CPN1: variants seen among roughly 807,000 people sequenced by gnomAD.
CPN1 encodes carboxypeptidase N catalytic chain.
CPN1 carries 37 observed loss-of-function variants against 46.4 expected under a neutral mutation model. The ratio of observed to expected loss-of-function variants is 0.80; its 90% CI spans 0.61 to 1.05. CPN1 has a LOEUF of 1.05. CPN1 is among the 50% of genes least tolerant of loss of function. CPN1 has a pLI of 0.00. For synonymous variants in CPN1, 224 were observed against 235.4 expected, an observed-to-expected ratio of 0.95 and a Z score of 0.44; for missense variants, 563 against 602.6, an observed-to-expected ratio of 0.93 and a Z score of 0.69.
At chr10:100,079,174 A>G (rs1310783728) in intron 1 of CPN1, among the ~76,000 whole-genome samples, 1 of 152,172 alleles carries the variant, frequency 6.6e-6, no homozygotes, top group African/African-American at 2.4e-5. Flanking sequence ...AGTTTTCTCT[A>G]CAGCACTTAT....
intron 5 of CPN1, among the ~76,000 whole-genome samples, chr10:100,057,873 A>G (rs1295140523): frequency 1.3e-5 from 2 of 152,146 alleles, no homozygotes; most frequent in African/African-American, 4.8e-5. Context: ...TTTAACTTAA[A>G]AGGTTAATGC....
intron 8 of CPN1, among the ~76,000 whole-genome samples, chr10:100,047,869 G>T (rs1434368640): frequency 6.6e-6 from 1 of 152,074 alleles, no homozygotes; most frequent in African/African-American, 2.4e-5. Flanking sequence ...GCACATGCCT[G>T]TAATCCCAGC....
intron 2 of CPN1, among the ~76,000 whole-genome samples, chr10:100,073,324 G>A (rs540463250): frequency 3.3e-5 from 5 of 152,276 alleles, no homozygotes; most frequent in African/African-American, 1.2e-4. Context: ...ACTCTTGACT[G>A]TCAGCATAAA....
Position 100,044,222 on chromosome 10 carries a change from T to C in CPN1, c.1231-1649A>G, listed in dbSNP as rs146027585. Among the ~76,000 whole-genome samples, 74 of 152,146 alleles carry C rather than the reference T, an allele frequency of 4.9e-4. No individual in the cohort carries two copies. The East Asian group carries it at 0.014, about 29-fold the overall frequency. Reference sequence around the variant, plus strand: ...CTGTGCTGTATTATTTACCAATTCCTATTTAGTAACATAGGAATCTAGACA... The same window carrying C: ...CTGTGCTGTATTATTTACCAATTCCCATTTAGTAACATAGGAATCTAGACA... On this transcript the variant is annotated intron_variant, in intron 8 of 8. Transcript: ENST00000370418.
chr10:100,068,218 T>C (rs1417434283), intron 3 of CPN1, among the ~76,000 whole-genome samples: 1 of 149,208 alleles, frequency 6.7e-6, no homozygotes, highest in Non-Finnish European at 1.5e-5. Flanking sequence ...CTGAACTTTT[T>C]TTTTTTTTTT....
chr10:100,055,359 CA>C (rs1008539841), intron 6 of CPN1, among the ~76,000 whole-genome samples: 2 of 151,626 alleles, frequency 1.3e-5, no homozygotes, highest in Non-Finnish European at 2.9e-5. Context: ...TCCCCCCCCC[CA>C]GCCCCTGGCA....
chr10:100,081,455 C>T lies in CPN1; in HGVS notation c.171G>A (p.Gly57=), dbSNP rs200987064. ...RVYSIGRSVE[G]RHLYVLEFSD... ...TGAACTCCAGCACGTAGAGGTGTCT[C>T]CCCTCCACGCTGCGCCCAATGCTGT... Residue 57 remains glycine, a synonymous_variant, in exon 1 of 9, where the codon GGG becomes GGA. Coordinates refer to ENST00000370418, the MANE Select transcript of CPN1 (RefSeq NM_001308.3). 5.0e-6 allele frequency: 8 copies of T among 1,613,968 alleles called. No individual in the cohort carries two copies. Among genetic ancestry groups the T allele is most frequent in the African/African-American group, 2.7e-5 (2 of 75,024 alleles).
intron 1 of CPN1, among the ~76,000 whole-genome samples, chr10:100,076,616 C>T (rs1337195484): frequency 6.6e-6 from 1 of 152,222 alleles, no homozygotes; most frequent in African/African-American, 2.4e-5. Context: ...CTAATGATCC[C>T]AGTTGAAAAC....
chr10:100,042,929 T>C (rs2041286246), intron 8 of CPN1, among the ~76,000 whole-genome samples: 1 of 151,690 alleles, frequency 6.6e-6, no homozygotes, highest in Admixed American at 6.6e-5. Context: ...CTGTCTCTAC[T>C]AAAAATACAA....
intron 6 of CPN1, 96 bp downstream of exon 6, chr10:100,056,917 G>C (rs537443028): frequency 6.6e-7 from 1 of 1,504,632 alleles, no homozygotes; most frequent in African/African-American, 1.4e-5. Context: ...GACTGAGTCA[G>C]AGCAAAAGTC....
Position 100,065,333 on chromosome 10 carries a change from T to C in CPN1, c.614A>G (p.His205Arg), listed in dbSNP as rs1208215082. The C allele has an allele frequency of 4.3e-6, 7 of 1,613,614 alleles. No individual in the cohort carries two copies. The highest frequency in any genetic ancestry group is 5.9e-6 in the Non-Finnish European group (7 of 1,179,960). Residue 205 changes from histidine to arginine, a missense_variant, in exon 4 of 9, where the codon CAC becomes CGC. Physicochemically the swap from His to Arg is conservative, Grantham distance 29. Transcript: ENST00000370418. Reference protein sequence around the residue: ...PETRAVIRWMHSFNFVLSANL... With the variant: ...PETRAVIRWMRSFNFVLSANL... ...GGCTGAAAGAACAAAGTTGAAGGAGTGCATCCACCGGATCACCGCCCGGGT... is the reference window on the plus strand; with the variant it reads ...GGCTGAAAGAACAAAGTTGAAGGAGCGCATCCACCGGATCACCGCCCGGGT...
At chr10:100,064,976 A>G (rs369623748) in intron 4 of CPN1, among the ~76,000 whole-genome samples, 20 of 152,224 alleles carry the variant, frequency 1.3e-4, no homozygotes, top group African/African-American at 4.8e-4. Context: ...GGTAATTACT[A>G]TGAAGCTTTC....
In CPN1 at chr10:100,057,101, TC is replaced by T; in HGVS notation, c.922del (p.Glu308AsnfsTer2). 1.2e-6 allele frequency: 2 copies of T among 1,614,162 alleles called. No homozygotes were observed. Among genetic ancestry groups the T allele is most frequent in the Non-Finnish European group, 1.7e-6 (2 of 1,180,028 alleles). ...LHTNCFEITLELSCDKFPPEE... is the reference protein window; with the variant it reads ...LHTNCFEITLXLSCDKFPPEE... ...GGGGGGAAACTTGTCGCAACTCAGT[TC>T]CAGCGTGATCTCAAAGCAGTTGGTA... On this transcript the variant is annotated frameshift_variant, in exon 6 of 9. Coordinates refer to ENST00000370418, the MANE Select transcript of CPN1 (RefSeq NM_001308.3). LOFTEE classifies it high-confidence loss of function.
At chr10:100,067,892 AC>A (rs958910588) in intron 3 of CPN1, among the ~76,000 whole-genome samples, 3 of 151,912 alleles carry the variant, frequency 2.0e-5, no homozygotes, top group African/African-American at 7.2e-5. Context: ...GGTGGCTCAC[AC>A]CTGTAATCCC....
At chr10:100,042,616 T>C (rs1213338108) in intron 8 of CPN1, 43 bp from the exon 9 acceptor site, 1 of 1,612,654 alleles carries the variant, frequency 6.2e-7, no homozygotes, top group Admixed American at 1.7e-5. Flanking sequence ...GTTTGGACCA[T>C]CTTTTGCCAT....
At chr10:100,042,879 G>A (rs2133421456) in intron 8 of CPN1, among the ~76,000 whole-genome samples, 1 of 152,016 alleles carries the variant, frequency 6.6e-6, no homozygotes, top group South Asian at 2.1e-4. Context: ...ATCACCTGAG[G>A]TCAGGAGTTC....
chr10:100,053,077 C>T (rs2041364897), intron 7 of CPN1, among the ~76,000 whole-genome samples: 1 of 152,110 alleles, frequency 6.6e-6, no homozygotes, highest in Non-Finnish European at 1.5e-5. Flanking sequence ...AGGATGGTTC[C>T]TGAGTTTGGA....
In CPN1 at chr10:100,057,070, C is replaced by T. The variant is rs945962478; in HGVS notation, c.954G>A (p.Glu318=). ...TACCCAGCCACTCCCGCTGTAACTC[C>T]TCTTCGGGGGGAAACTTGTCGCAAC... The part of the protein sequence containing the change: ...ELSCDKFPPE[E]ELQREWLGNR... Residue 318 remains glutamate (E), a synonymous_variant, in exon 6 of 9, where the codon GAG becomes GAA. Transcript: ENST00000370418. The T allele has an allele frequency of 5.6e-6, 9 of 1,614,034 alleles. No individual in the cohort carries two copies. The highest frequency in any genetic ancestry group is 3.4e-6 in the Non-Finnish European group (4 of 1,180,042).
In CPN1 at chr10:100,057,119, C is replaced by A. The variant is rs940835871; in HGVS notation, c.905G>T (p.Cys302Phe). The change falls in exon 6 of 9, where the codon TGC becomes TTC. Residue 302 changes from cysteine to phenylalanine, a missense_variant. Physicochemically the swap from Cys to Phe is radical, Grantham distance 205. Transcript: ENST00000370418. Reference protein sequence around the residue: ...MQDFNYLHTNCFEITLELSCD... With the variant: ...MQDFNYLHTNFFEITLELSCD... ...ACTCAGTTCCAGCGTGATCTCAAAG[C>A]AGTTGGTATGGAGATAATTAAAGTC... 28 of 1,614,034 alleles carry A rather than the reference C, an allele frequency of 1.7e-5. No homozygotes were observed. The highest frequency in any genetic ancestry group is 2.4e-5 in the Non-Finnish European group (28 of 1,180,030).
Sources: allele counts gnomAD v4.1 joint callset (sites outside exome capture counted in the v4.1 genomes callset), GRCh38; gene constraint gnomAD v4.1.1; transcripts MANE v1.5; gene names NCBI Gene and HGNC (gene_info 2026-07-23, HGNC 2026-07-21).